LIMCH1: variants seen among roughly 807,000 people sequenced by gnomAD.
LIMCH1 encodes the protein LIM and calponin homology domains-containing protein 1.
A neutral mutation model predicts 176.5 loss-of-function variants in LIMCH1; 113 were observed. That is an observed-to-expected ratio of 0.64 (90% CI 0.55 to 0.75). LIMCH1 has a LOEUF of 0.75. LIMCH1 is among the 30% of genes least tolerant of loss of function. LIMCH1 has a pLI of 0.00. For missense variants in LIMCH1, 1,674 were observed against 1,814.9 expected (o/e 0.92, Z 1.41); for synonymous variants, 619 against 645.9 (o/e 0.96, Z 0.63).
chr4:41,539,267 A>T (rs1203387537), intron 1 of LIMCH1, among the ~76,000 whole-genome samples: 2 of 152,142 alleles, frequency 1.3e-5, no homozygotes, highest in Non-Finnish European at 2.9e-5. Context: ...ATGTCTCAGG[A>T]GTCTGAAACT....
chr4:41,631,831 A>G lies in LIMCH1; in HGVS notation c.1601+354A>G, dbSNP rs1034829697. Among the ~76,000 whole-genome samples the G allele has an allele frequency of 5.9e-5, 9 of 152,354 alleles. No individual in the cohort carries two copies. In the East Asian group the frequency reaches 9.6e-4, roughly 16 times the overall value. On this transcript the variant is annotated intron_variant, in intron 10 of 31. Coordinates refer to ENST00000503057, the MANE Select transcript of LIMCH1 (RefSeq NM_001330672.2). ...TCAGTAGGGTTTCCTGGGCTTATGT[A>G]TAACCTCTCTCTTTCCTGTCCCTTA...
chr4:41,513,135 A>G (rs752966495), intron 2 of LIMCH1, among the ~76,000 whole-genome samples: 7 of 152,254 alleles, frequency 4.6e-5, no homozygotes, highest in Non-Finnish European at 1.0e-4. Context: ...AAAGAAAATT[A>G]CAAAAATAAA....
chr4:41,465,115 C>G (rs532068768), intron 1 of LIMCH1, among the ~76,000 whole-genome samples: 1 of 152,124 alleles, frequency 6.6e-6, no homozygotes, highest in African/African-American at 2.4e-5. Flanking sequence ...CTAAACTGAG[C>G]GGGGAGGGAA....
At chr4:41,651,919 G>A (rs1037921364) in intron 18 of LIMCH1, among the ~76,000 whole-genome samples, 1 of 152,156 alleles carries the variant, frequency 6.6e-6, no homozygotes, top group Non-Finnish European at 1.5e-5. Flanking sequence ...ACTCATGCTG[G>A]TTTCACTAAT....
intron 1 of LIMCH1, among the ~76,000 whole-genome samples, chr4:41,409,639 C>T (rs983892080): frequency 6.6e-6 from 1 of 152,138 alleles, no homozygotes; most frequent in Non-Finnish European, 1.5e-5. Context: ...GGTCTTTATT[C>T]AGAAATTGTG....
intron 1 of LIMCH1, among the ~76,000 whole-genome samples, chr4:41,415,500 C>T (rs148810511): frequency 6.6e-6 from 1 of 152,058 alleles, no homozygotes; most frequent in African/African-American, 2.4e-5. Context: ...GGTTTTGAAG[C>T]AGCATGCTGC....
intron 21 of LIMCH1, chr4:41,670,745 T>C (rs1339267253): frequency 1.3e-6 from 2 of 1,535,930 alleles, no homozygotes; most frequent in Non-Finnish European, 8.7e-7. Flanking sequence ...AGTGTTCCGC[T>C]TAGAGTTCAG....
At chr4:41,517,295 C>T (rs796306983) in intron 2 of LIMCH1, among the ~76,000 whole-genome samples, 4 of 152,234 alleles carry the variant, frequency 2.6e-5, no homozygotes, top group Admixed American at 1.3e-4. Context: ...TATATAGCCA[C>T]AGCAAATTGC....
At position 41,633,098 on chromosome 4, in the gene LIMCH1, C is replaced by T. The variant is rs2093410012; in HGVS notation, c.1829+13C>T. Reference sequence around the variant, plus strand: ...GCAGCCAGCCACTGTGAGCATCTTGCCTGCGCTCTGCTCCGTGGTGTGTTG... The same window carrying T: ...GCAGCCAGCCACTGTGAGCATCTTGTCTGCGCTCTGCTCCGTGGTGTGTTG... On this transcript the variant is annotated intron_variant, in intron 12 of 31. Coordinates refer to ENST00000503057, the MANE Select transcript of LIMCH1 (RefSeq NM_001330672.2). The T allele has an allele frequency of 2.0e-6, 3 of 1,510,976 alleles. No individual in the cohort carries two copies. Among genetic ancestry groups the T allele is most frequent in the Non-Finnish European group, 1.8e-6 (2 of 1,125,304 alleles). The allele number at this position is 1,510,976 out of a possible 1,614,324, so 93.6% of individuals were successfully genotyped here. A position where few individuals can be genotyped will look rare whatever the true frequency, so the allele number is the denominator to read the frequency against.
At chr4:41,403,596 T>C (rs2058682994) in intron 1 of LIMCH1, among the ~76,000 whole-genome samples, 1 of 152,104 alleles carries the variant, frequency 6.6e-6, no homozygotes, top group South Asian at 2.1e-4. Flanking sequence ...AATAAATAAA[T>C]AAAATAAAAT....
Position 41,460,458 on chromosome 4 carries a change from C to CCATATATATATATATATATA in LIMCH1, c.97-34078_97-34077insCATATATATATATATATATA, listed in dbSNP as rs1554057132. The stretch of plus-strand genomic sequence containing the variant: ...AAATTTGTTCCACTATAGTAATCAT[C>CCATATATATATATATATATA]TATATATATATATATATATATCTTA... On this transcript the variant is annotated intron_variant, in intron 1 of 26. Transcript: ENST00000313860. Among the ~76,000 whole-genome samples, 114 of 110,522 alleles carry CCATATATATATATATATATA rather than the reference C, an allele frequency of 1.0e-3. 2 individuals are homozygous for CCATATATATATATATATATA. The highest frequency in any genetic ancestry group is 3.9e-3 in the African/African-American group (99 of 25,216). 72.5% of individuals were successfully genotyped at this position (110,522 alleles called of 152,430 possible).
At chr4:41,381,934 T>C (rs539954246) in intron 1 of LIMCH1, among the ~76,000 whole-genome samples, 1 of 152,290 alleles carries the variant, frequency 6.6e-6, no homozygotes, top group Admixed American at 6.5e-5. Context: ...ACTCACCGGA[T>C]CCCAGTAGTA....
At position 41,697,231 on chromosome 4, in the gene LIMCH1, G is replaced by C; in HGVS notation, c.*46G>C. 1.3e-6 allele frequency: 2 copies of C among 1,590,740 alleles called. No individual in the cohort carries two copies. Among genetic ancestry groups the C allele is most frequent in the Non-Finnish European group, 1.7e-6 (2 of 1,159,298 alleles). ...ATCACTCACCATTTCTTTACTGAGA[G>C]TGTCCCCTGGCAACTGCTTAACAAA... On this transcript the variant is annotated 3_prime_UTR_variant, in exon 32 of 32. Transcript: ENST00000503057.
At chr4:41,489,574 A>C (rs1465262405) in intron 1 of LIMCH1, among the ~76,000 whole-genome samples, 2 of 152,158 alleles carry the variant, frequency 1.3e-5, no homozygotes, top group African/African-American at 4.8e-5. Flanking sequence ...TTTAGTTTAA[A>C]AATATTTGGG....
chr4:41,558,810 G>A (rs1259273264), intron 1 of LIMCH1, among the ~76,000 whole-genome samples: 3 of 152,170 alleles, frequency 2.0e-5, no homozygotes, highest in African/African-American at 4.8e-5. Flanking sequence ...TCTAGCTCAT[G>A]AATGATTGGA....
At chr4:41,509,858 G>A (rs2074649304) in intron 2 of LIMCH1, among the ~76,000 whole-genome samples, 1 of 152,190 alleles carries the variant, frequency 6.6e-6, no homozygotes. Context: ...CACAGTAGGG[G>A]TACTGTCTCC....
chr4:41,388,705 C>T (rs1045855244), intron 1 of LIMCH1, among the ~76,000 whole-genome samples: 14 of 152,024 alleles, frequency 9.2e-5, no homozygotes, highest in African/African-American at 2.9e-4. Flanking sequence ...TGCAATGGCA[C>T]GATCTTGGCT....
rs2082666346 is a variant in LIMCH1 at position 41,565,636 on chromosome 4, C to G, written c.-241+27286C>G. On this transcript the variant is annotated intron_variant, in intron 1 of 31. Coordinates refer to ENST00000503057, the MANE Select transcript of LIMCH1 (RefSeq NM_001330672.2). ...TAACAATGGTCCAGGTACTTCTTAC[C>G]ACAAGTATGCTTGGACTGGTGAACT... Among the ~76,000 whole-genome samples the G allele has an allele frequency of 3.3e-5, 5 of 151,938 alleles. No individual in the cohort carries two copies. The South Asian group carries it at 1.0e-3, about 32-fold the overall frequency.
intron 24 of LIMCH1, among the ~76,000 whole-genome samples, 165 bp from the exon 25 acceptor site, chr4:41,680,790 G>A (rs1365651250): frequency 6.6e-6 from 1 of 152,186 alleles, no homozygotes; most frequent in African/African-American, 2.4e-5. Context: ...TACCCATGGA[G>A]AGTGTTATAT....
Sources: allele counts gnomAD v4.1 joint callset (sites outside exome capture counted in the v4.1 genomes callset), GRCh38; gene constraint gnomAD v4.1.1; transcripts MANE v1.5; gene names NCBI Gene and HGNC (gene_info 2026-07-23, HGNC 2026-07-21).